The following LRRC28 variants were observed in gnomAD, a reference collection of about 807,000 sequenced individuals.
LRRC28 encodes leucine rich repeat containing 28, also known as leucine-rich repeat-containing protein 28.
LRRC28 carries 39 observed loss-of-function variants against 45.7 expected under a neutral mutation model. The ratio of observed to expected loss-of-function variants is 0.85; its 90% CI spans 0.66 to 1.12. LRRC28 has a LOEUF of 1.12. Ranked by LOEUF, LRRC28 falls within the 50% of genes most tolerant of loss-of-function variation. The pLI is 0.00. For synonymous variants in LRRC28, 206 were observed against 178.8 expected (o/e 1.15, Z -1.22); for missense variants, 435 against 438.5 (o/e 0.99, Z 0.07).
intron 6 of LRRC28, among the ~76,000 whole-genome samples, chr15:99,345,315 C>T (rs751059679): frequency 6.6e-6 from 1 of 152,096 alleles, no homozygotes; most frequent in Non-Finnish European, 1.5e-5. Context: ...CTCTGAAAGA[C>T]AAATCTGAGA....
At position 99,387,112 on chromosome 15, in the gene LRRC28, GT is replaced by G; in HGVS notation, c.*1011del. ...GTCTCGCTCTGTCGCCCAGGCTGGAGTGCAGTGGCGGGATCTCGGCTCACTG... is the reference window on the plus strand; with the variant it reads ...GTCTCGCTCTGTCGCCCAGGCTGGAGGCAGTGGCGGGATCTCGGCTCACTG... On this transcript the variant is annotated 3_prime_UTR_variant, in exon 10 of 10. Transcript: ENST00000301981. 1 of 151,432 alleles carries G rather than the reference GT, an allele frequency of 6.6e-6. No individual in the cohort carries two copies. The highest frequency in any genetic ancestry group is 2.0e-4 in the East Asian group (1 of 5,084). The allele number at this position is 151,432 out of a possible 1,614,324, so 9.4% of individuals were successfully genotyped here.
intron 9 of LRRC28, among the ~76,000 whole-genome samples, chr15:99,380,768 G>T (rs1054489358): frequency 6.6e-6 from 1 of 152,126 alleles, no homozygotes; most frequent in Admixed American, 6.5e-5. Context: ...GTCTGTAAAG[G>T]ATTTTATTTC....
chr15:99,282,208 C>G (rs1391565610), intron 3 of LRRC28, among the ~76,000 whole-genome samples: 1 of 58,230 alleles, frequency 1.7e-5, no homozygotes, highest in Non-Finnish European at 2.9e-5. Flanking sequence ...GTAGCTCTCT[C>G]TTCTTCAGAA....
chr15:99,348,326 A>T (rs1328821584), intron 6 of LRRC28, among the ~76,000 whole-genome samples: 1 of 152,082 alleles, frequency 6.6e-6, no homozygotes, highest in Non-Finnish European at 1.5e-5. Flanking sequence ...TTTTGGTGTG[A>T]TATCGAAAAA....
intron 5 of LRRC28, among the ~76,000 whole-genome samples, chr15:99,324,113 A>G (rs1327998232): frequency 6.6e-6 from 1 of 152,122 alleles, no homozygotes; most frequent in Non-Finnish European, 1.5e-5. Context: ...TAAAACCTCA[A>G]ATAGCACTCA....
intron 5 of LRRC28, among the ~76,000 whole-genome samples, chr15:99,310,410 A>T (rs559164341): frequency 3.3e-5 from 5 of 152,236 alleles, no homozygotes; most frequent in Non-Finnish European, 7.3e-5. Flanking sequence ...ACCATTAGGT[A>T]AAAAGTTGAT....
At chr15:99,362,952 A>T (rs1047094340) in intron 8 of LRRC28, among the ~76,000 whole-genome samples, 154 bp from the exon 9 acceptor site, 1 of 152,164 alleles carries the variant, frequency 6.6e-6, no homozygotes, top group Non-Finnish European at 1.5e-5. Flanking sequence ...CAAATGTTAG[A>T]TTTTTATTCA....
chr15:99,313,157 A>G (rs142403368), intron 5 of LRRC28, among the ~76,000 whole-genome samples: 2 of 152,278 alleles, frequency 1.3e-5, no homozygotes, highest in East Asian at 3.9e-4. Flanking sequence ...GACACAATAC[A>G]CTTTAAGACA....
At chr15:99,301,084 CTTG>C (rs1954951874) in intron 5 of LRRC28, among the ~76,000 whole-genome samples, 1 of 152,146 alleles carries the variant, frequency 6.6e-6, no homozygotes, top group African/African-American at 2.4e-5. Flanking sequence ...AGGAGCTGCT[CTTG>C]TTCAGAGATA....
intron 5 of LRRC28, among the ~76,000 whole-genome samples, chr15:99,306,288 A>G (rs932704496): frequency 1.3e-5 from 2 of 152,206 alleles, no homozygotes; most frequent in African/African-American, 4.8e-5. Flanking sequence ...GCCAGGAAGC[A>G]TGGGTTTCTT....
intron 9 of LRRC28, among the ~76,000 whole-genome samples, chr15:99,380,532 C>T (rs1957787429): frequency 6.6e-6 from 1 of 152,212 alleles, no homozygotes; most frequent in South Asian, 2.1e-4. Flanking sequence ...AGCCCATTTA[C>T]ATTTAAGGTT....
intron 9 of LRRC28, among the ~76,000 whole-genome samples, chr15:99,379,237 G>A (rs1228633066): frequency 6.6e-6 from 1 of 152,168 alleles, no homozygotes; most frequent in Non-Finnish European, 1.5e-5. Flanking sequence ...TGTACTCTGG[G>A]ATTCAACTTC....
At chr15:99,315,721 G>A (rs1056050380) in intron 5 of LRRC28, among the ~76,000 whole-genome samples, 1 of 152,106 alleles carries the variant, frequency 6.6e-6, no homozygotes, top group South Asian at 2.1e-4. Flanking sequence ...CCCCAATTTT[G>A]TTAAGCACCA....
chr15:99,278,095 A>G (rs1258427533), intron 3 of LRRC28, among the ~76,000 whole-genome samples: 1 of 152,186 alleles, frequency 6.6e-6, no homozygotes, highest in African/African-American at 2.4e-5. Flanking sequence ...TTTTCCAGGT[A>G]TACTCTTATG....
At chr15:99,271,543 C>T (rs1333928307) in intron 2 of LRRC28, among the ~76,000 whole-genome samples, 2 of 152,108 alleles carry the variant, frequency 1.3e-5, no homozygotes, top group Non-Finnish European at 2.9e-5. Context: ...TCTCAAAGTG[C>T]TGGAATTACA....
At chr15:99,373,531 T>A (rs1477016967) in intron 9 of LRRC28, among the ~76,000 whole-genome samples, 1 of 152,208 alleles carries the variant, frequency 6.6e-6, no homozygotes, top group Non-Finnish European at 1.5e-5. Flanking sequence ...TTACTAACAA[T>A]GCAATTATAC....
chr15:99,348,049 C>G (rs559680545), intron 6 of LRRC28, among the ~76,000 whole-genome samples: 30 of 152,148 alleles, frequency 2.0e-4, no homozygotes, highest in Non-Finnish European at 3.4e-4. Flanking sequence ...ACCTTTTCAT[C>G]TACCTGTTGG....
intron 5 of LRRC28, among the ~76,000 whole-genome samples, chr15:99,316,715 TAAAAAAAA>T (rs142753859): frequency 1.4e-5 from 2 of 145,294 alleles, no homozygotes; most frequent in African/African-American, 2.5e-5. Flanking sequence ...AGAAAACTCT[TAAAAAAAA>T]AAAAAAAAAA....
intron 7 of LRRC28, 38 bp downstream of exon 7, chr15:99,352,509 T>G (rs1158821205): frequency 6.7e-7 from 1 of 1,500,560 alleles, no homozygotes; most frequent in Non-Finnish European, 9.2e-7. Flanking sequence ...AAAAATAGAT[T>G]AACTACTTTT....
Sources: allele counts gnomAD v4.1 joint callset (sites outside exome capture counted in the v4.1 genomes callset), GRCh38; gene constraint gnomAD v4.1.1; transcripts MANE v1.5; gene names NCBI Gene and HGNC (gene_info 2026-07-23, HGNC 2026-07-21).